The following KCNMA1 variants were observed in gnomAD, a reference collection of about 807,000 sequenced individuals.
KCNMA1 encodes the protein Calcium-activated potassium channel subunit alpha-1.
KCNMA1 carries 29 observed loss-of-function variants against 140.0 expected under a neutral mutation model. The observed-to-expected ratio is 0.21, with a 90% confidence interval of 0.15 to 0.28. The LOEUF is 0.28. KCNMA1 is among the 10% of genes least tolerant of loss of function. The pLI is 1.00. For missense variants in KCNMA1, 880 were observed against 1,602.2 expected (o/e 0.55, Z 7.70); for synonymous variants, 612 against 611.9 (o/e 1.00, Z 0.00).
At chr10:77,382,860 C>T (rs1471324761) in intron 2 of KCNMA1, among the ~76,000 whole-genome samples, 1 of 69,558 alleles carries the variant, frequency 1.4e-5, no homozygotes, top group Admixed American at 2.0e-4. Context: ...AGCAAAGCTC[C>T]GTCTCAAAAA....
intron 2 of KCNMA1, among the ~76,000 whole-genome samples, chr10:77,302,672 C>A (rs543128522): frequency 1.3e-5 from 2 of 152,252 alleles, no homozygotes; most frequent in African/African-American, 2.4e-5. Flanking sequence ...GTCTACCACC[C>A]AAAGTCAGGT....
intron 3 of KCNMA1, chr10:77,249,497 A>T (rs1039858898): frequency 2.6e-5 from 4 of 152,156 alleles, no homozygotes; most frequent in East Asian, 1.9e-4. Context: ...TAAAAAAAAT[A>T]AAAAAACGAA....
intron 1 of KCNMA1, among the ~76,000 whole-genome samples, chr10:77,437,729 C>T (rs2097294436): frequency 6.6e-6 from 1 of 152,192 alleles, no homozygotes. Context: ...AGAGAGGCCA[C>T]AACATACAGA....
intron 2 of KCNMA1, among the ~76,000 whole-genome samples, chr10:77,366,896 A>C (rs1375442115): frequency 6.6e-6 from 1 of 152,158 alleles, no homozygotes; most frequent in African/African-American, 2.4e-5. Context: ...TGAAACATTC[A>C]CTATTTCTAT....
chr10:77,287,246 G>T (rs1167688766), intron 2 of KCNMA1, among the ~76,000 whole-genome samples: 1 of 152,184 alleles, frequency 6.6e-6, no homozygotes, highest in East Asian at 1.9e-4. Flanking sequence ...GAAAATACAA[G>T]CAACTGCTGC....
intron 16 of KCNMA1, chr10:77,020,606 C>T (rs1157445745): frequency 6.6e-6 from 1 of 152,264 alleles, no homozygotes; most frequent in Non-Finnish European, 1.5e-5. Flanking sequence ...CCATAAGCAC[C>T]TCCTAATGAC....
chr10:77,049,099 A>C (rs550828161), intron 14 of KCNMA1, among the ~76,000 whole-genome samples: 85 of 152,136 alleles, frequency 5.6e-4, no homozygotes, highest in Non-Finnish European at 1.0e-4. Context: ...CCTTTATTTC[A>C]AGGAGCAGCT....
Position 77,110,354 on chromosome 10 carries a change from T to G in KCNMA1, c.961-11A>C, listed in dbSNP as rs771795940. 9 of 1,611,592 alleles carry G rather than the reference T, an allele frequency of 5.6e-6. No individual in the cohort carries two copies. The highest frequency in any genetic ancestry group is 6.8e-6 in the Non-Finnish European group (8 of 1,177,862). ...CCCTGAATTCTCCACCTAAAGCAAA[T>G]GGGACAGGGGAGAAAAAAGAAAAAC... On this transcript the variant is annotated splice_polypyrimidine_tract_variant and intron_variant, in intron 7 of 27. Transcript: ENST00000286628.
chr10:77,099,729 A>C (rs2097049435), intron 9 of KCNMA1, among the ~76,000 whole-genome samples: 1 of 143,322 alleles, frequency 7.0e-6, no homozygotes, highest in Non-Finnish European at 1.5e-5. Context: ...AAAAAAAAAA[A>C]GAAAAGGAAA....
chr10:77,470,068 C>T (rs2098118516), intron 1 of KCNMA1, among the ~76,000 whole-genome samples: 1 of 152,170 alleles, frequency 6.6e-6, no homozygotes, highest in African/African-American at 2.4e-5. Flanking sequence ...GGGTCGGATG[C>T]GTCCGGCTGC....
chr10:77,151,993 TAA>T (rs1027618651), intron 5 of KCNMA1, among the ~76,000 whole-genome samples: 6 of 152,190 alleles, frequency 3.9e-5, no homozygotes, highest in African/African-American at 1.4e-4. Context: ...ACTCCCAGTT[TAA>T]AAGAGAGTCA....
intron 7 of KCNMA1, among the ~76,000 whole-genome samples, 200 bp downstream of exon 7, chr10:77,112,167 T>G (rs1345987278): frequency 2.0e-5 from 3 of 152,148 alleles, no homozygotes; most frequent in Admixed American, 6.5e-5. Flanking sequence ...AGGTTAATAG[T>G]GCAAACATTA....
At chr10:77,027,953 AC>A in intron 15 of KCNMA1, 62 bp from the exon 16 acceptor site, 1 of 1,371,996 alleles carries the variant, frequency 7.3e-7, no homozygotes, top group South Asian at 1.2e-5. Flanking sequence ...CACATAACAC[AC>A]ACTATTACGA....
intron 1 of KCNMA1, among the ~76,000 whole-genome samples, chr10:77,616,761 G>C (rs1191418450): frequency 6.6e-6 from 1 of 151,162 alleles, no homozygotes; most frequent in Non-Finnish European, 1.5e-5. Context: ...AGCCGAGACT[G>C]CACCACTGCA....
At chr10:77,162,610 AT>A (rs1166454383) in intron 5 of KCNMA1, among the ~76,000 whole-genome samples, 2 of 152,108 alleles carry the variant, frequency 1.3e-5, no homozygotes, top group Admixed American at 1.3e-4. Context: ...AGGAGCTGGA[AT>A]TTTTTTTAAA....
At chr10:76,986,580 T>A (rs1301390603) in intron 19 of KCNMA1, among the ~76,000 whole-genome samples, 1 of 152,162 alleles carries the variant, frequency 6.6e-6, no homozygotes, top group African/African-American at 2.4e-5. Flanking sequence ...TTCAGGGCTG[T>A]CAAGATTCGA....
chr10:77,337,380 CAAG>C (rs1203643145), intron 2 of KCNMA1, among the ~76,000 whole-genome samples: 1 of 152,134 alleles, frequency 6.6e-6, no homozygotes, highest in Non-Finnish European at 1.5e-5. Context: ...GGCCCAATGC[CAAG>C]GCTAAGGCAG....
At chr10:77,497,290 T>G (rs933948380) in intron 1 of KCNMA1, among the ~76,000 whole-genome samples, 2 of 152,238 alleles carry the variant, frequency 1.3e-5, no homozygotes, top group African/African-American at 4.8e-5. Flanking sequence ...CATAACATAT[T>G]GAATGCCTCT....
chr10:77,268,217 A>G (rs2063938735), intron 2 of KCNMA1, among the ~76,000 whole-genome samples: 1 of 152,216 alleles, frequency 6.6e-6, no homozygotes, highest in East Asian at 1.9e-4. Flanking sequence ...GTGCTCCTGT[A>G]GCCACTCTAG....
Sources: gnomAD v4.1 joint callset for allele counts (sites outside exome capture counted in the v4.1 genomes callset) on GRCh38, gnomAD v4.1.1 for gene constraint, MANE v1.5 for transcripts, NCBI Gene and HGNC (gene_info 2026-07-23, HGNC 2026-07-21) for gene names.